Variants in KIAA1328 observed in about 807,000 individuals in gnomAD.
KIAA1328 encodes the protein protein hinderin.
Under a neutral mutation model 68.1 loss-of-function variants are expected in KIAA1328, and 52 were observed. The observed-to-expected ratio is 0.76, with a 90% CI of 0.61 to 0.96. KIAA1328 has a LOEUF of 0.96. Among genes scored for constraint, KIAA1328 ranks in the 40% least tolerant of loss-of-function variants. The pLI, the probability that KIAA1328 is intolerant of heterozygous loss-of-function variation, is 0.00. For missense variants in KIAA1328, 641 were observed against 677.6 expected (o/e 0.95, Z 0.60); for synonymous variants, 232 against 239.4 (o/e 0.97, Z 0.28).
intron 5 of KIAA1328, among the ~76,000 whole-genome samples, chr18:36,899,569 C>T (rs1029537482): frequency 2.0e-5 from 3 of 151,812 alleles, no homozygotes; most frequent in Non-Finnish European, 2.9e-5. Flanking sequence ...ATTGGACTGA[C>T]GTGGCAATTA....
At chr18:36,868,062 C>T (rs753602404) in intron 4 of KIAA1328, among the ~76,000 whole-genome samples, 20 of 152,104 alleles carry the variant, frequency 1.3e-4, no homozygotes, top group Non-Finnish European at 2.1e-4. Flanking sequence ...TCTGTATATG[C>T]TCAGGAAACT....
At chr18:37,203,712 G>T (rs563419541) in intron 9 of KIAA1328, among the ~76,000 whole-genome samples, 5 of 152,304 alleles carry the variant, frequency 3.3e-5, no homozygotes, top group African/African-American at 1.2e-4. Flanking sequence ...GCCAGGGAGG[G>T]CATACTGGTT....
intron 9 of KIAA1328, among the ~76,000 whole-genome samples, chr18:37,195,553 C>G (rs1201555825): frequency 6.6e-6 from 1 of 152,148 alleles, no homozygotes. Context: ...ATTAAAGAGA[C>G]TGTCCTTTCC....
At chr18:36,999,423 T>C (rs989455263) in intron 6 of KIAA1328, among the ~76,000 whole-genome samples, 1 of 152,140 alleles carries the variant, frequency 6.6e-6, no homozygotes, top group Non-Finnish European at 1.5e-5. Flanking sequence ...GGTTCAGCAA[T>C]TGCCAGGCAG....
intron 1 of KIAA1328, among the ~76,000 whole-genome samples, chr18:36,832,092 C>T (rs749918245): frequency 9.2e-5 from 14 of 152,028 alleles, no homozygotes; most frequent in Non-Finnish European, 1.3e-4. Context: ...TTGACTTCCC[C>T]ATAAAATATA....
chr18:37,099,303 T>G lies in KIAA1328; in HGVS notation c.1232+31758T>G, dbSNP rs1361733079. On this transcript the variant is annotated intron_variant, in intron 7 of 9. Transcript: ENST00000280020. ...TTGTTCTCATTGGTTTCAAAGAACA[T>G]CTTTATTTCTGCCTTCATTTTGTTG... Among the ~76,000 whole-genome samples, 4 of 152,334 alleles carry G rather than the reference T, an allele frequency of 2.6e-5. No homozygotes were observed. In the South Asian group the frequency reaches 8.3e-4, roughly 32 times the overall value.
chr18:36,991,515 T>G (rs916058605), intron 6 of KIAA1328, among the ~76,000 whole-genome samples: 26 of 152,240 alleles, frequency 1.7e-4, no homozygotes, highest in Non-Finnish European at 5.9e-5. Flanking sequence ...TTTATTTTCC[T>G]CAGGATATTT....
At chr18:37,152,133 AAAAC>A (rs1037516023) in intron 7 of KIAA1328, among the ~76,000 whole-genome samples, 2 of 152,038 alleles carry the variant, frequency 1.3e-5, no homozygotes, top group African/African-American at 4.8e-5. Context: ...TAGCAAGAGA[AAAAC>A]AAACATACAT....
At chr18:36,992,451 CTTTTTTTT>C (rs71168252) in intron 6 of KIAA1328, among the ~76,000 whole-genome samples, 31 of 130,100 alleles carry the variant, frequency 2.4e-4, no homozygotes, top group African/African-American at 9.7e-4. Flanking sequence ...TCTTTTCTTT[CTTTTTTTT>C]TTTTTTTTTT....
intron 6 of KIAA1328, among the ~76,000 whole-genome samples, chr18:37,016,045 G>C (rs1191823877): frequency 6.6e-6 from 1 of 152,146 alleles, no homozygotes; most frequent in Non-Finnish European, 1.5e-5. Context: ...TTGAGTAAGA[G>C]TGGTAAGAGT....
chr18:36,873,797 T>G (rs2048027498), intron 4 of KIAA1328, among the ~76,000 whole-genome samples: 1 of 152,162 alleles, frequency 6.6e-6, no homozygotes, highest in Admixed American at 6.5e-5. Flanking sequence ...CATCAACCCA[T>G]CATCTACATT....
chr18:36,937,650 A>G (rs1344791558), intron 5 of KIAA1328, among the ~76,000 whole-genome samples: 3 of 152,182 alleles, frequency 2.0e-5, no homozygotes, highest in Admixed American at 6.5e-5. Flanking sequence ...GTATGTTTAC[A>G]TATACCTATT....
At chr18:37,010,549 T>C (rs1304793042) in intron 6 of KIAA1328, among the ~76,000 whole-genome samples, 5 of 152,088 alleles carry the variant, frequency 3.3e-5, no homozygotes, top group Admixed American at 2.0e-4. Context: ...ATGTATTCAT[T>C]CTGGTGCCAG....
At chr18:36,923,155 A>G (rs2049989423) in intron 5 of KIAA1328, among the ~76,000 whole-genome samples, 1 of 152,162 alleles carries the variant, frequency 6.6e-6, no homozygotes, top group Non-Finnish European at 1.5e-5. Flanking sequence ...AATTACTTAG[A>G]TGTATCTAAA....
chr18:36,841,033 G>A (rs973155885), intron 3 of KIAA1328, among the ~76,000 whole-genome samples: 3 of 152,108 alleles, frequency 2.0e-5, no homozygotes, highest in African/African-American at 7.2e-5. Context: ...AGATTGCCAT[G>A]CAATCTGAGA....
intron 4 of KIAA1328, among the ~76,000 whole-genome samples, chr18:36,879,588 C>T (rs1359763754): frequency 6.6e-6 from 1 of 152,218 alleles, no homozygotes; most frequent in Non-Finnish European, 1.5e-5. Context: ...TCTTCAGAGC[C>T]AGCAGGCAGG....
intron 6 of KIAA1328, among the ~76,000 whole-genome samples, chr18:37,010,317 C>G (rs1435838221): frequency 6.6e-6 from 1 of 151,750 alleles, no homozygotes; most frequent in Non-Finnish European, 1.5e-5. Context: ...GTGGCAGGCA[C>G]CTGTAGTCCC....
At chr18:37,003,741 T>C (rs2053674792) in intron 6 of KIAA1328, among the ~76,000 whole-genome samples, 1 of 152,174 alleles carries the variant, frequency 6.6e-6, no homozygotes, top group Admixed American at 6.6e-5. Flanking sequence ...AAGTCCTTGA[T>C]CTGTCTTGAG....
chr18:36,968,817 C>G (rs2052051094), intron 6 of KIAA1328, among the ~76,000 whole-genome samples: 1 of 152,144 alleles, frequency 6.6e-6, no homozygotes. Context: ...TACCCCAAAA[C>G]AACACAATAT....
Sources: allele counts gnomAD v4.1 joint callset (sites outside exome capture counted in the v4.1 genomes callset), GRCh38; gene constraint gnomAD v4.1.1; transcripts MANE v1.5; gene names NCBI Gene and HGNC (gene_info 2026-07-23, HGNC 2026-07-21).